The following LAMA1 variants were observed in gnomAD, a reference collection of about 807,000 sequenced individuals.
LAMA1 encodes laminin subunit alpha-1.
Under a neutral mutation model 348.7 loss-of-function variants are expected in LAMA1, and 219 were observed. The observed-to-expected ratio is 0.63, with a 90% CI of 0.56 to 0.70. The LOEUF is 0.70. Ranked by LOEUF, LAMA1 falls within the 30% of genes least tolerant of loss-of-function variation. LAMA1 has a pLI of 0.00. For synonymous variants in LAMA1, 1,487 were observed against 1,491.0 expected, an observed-to-expected ratio of 1.00 and a Z score of 0.06; for missense variants, 3,744 against 3,888.0, an observed-to-expected ratio of 0.96 and a Z score of 0.99.
chr18:7,117,470 C>A (rs2058362287), intron 1 of LAMA1, among the ~76,000 whole-genome samples, 190 bp downstream of exon 1: 1 of 152,148 alleles, frequency 6.6e-6, no homozygotes, highest in Non-Finnish European at 1.5e-5. Context: ...CAGCGTCCGG[C>A]AGGAGCGGCG....
chr18:7,102,849 T>C (rs1441730083), intron 1 of LAMA1, among the ~76,000 whole-genome samples: 1 of 152,222 alleles, frequency 6.6e-6, no homozygotes, highest in African/African-American at 2.4e-5. Context: ...TAAGTTTTTG[T>C]TGAGTATAAT....
chr18:6,996,405 T>C (rs518044), intron 33 of LAMA1, among the ~76,000 whole-genome samples: 127,469 of 152,178 alleles, frequency 0.84, 53,758 homozygotes, highest in African/African-American at 0.93. Flanking sequence ...TGCTACCTGG[T>C]GCACTGCATA....
At chr18:7,116,449 T>C (rs964410414) in intron 1 of LAMA1, among the ~76,000 whole-genome samples, 3 of 152,334 alleles carry the variant, frequency 2.0e-5, no homozygotes, top group South Asian at 2.1e-4. Flanking sequence ...TATTCAATGC[T>C]GCGTTTCCAG....
At chr18:7,023,077 G>T (rs1335521707) in intron 19 of LAMA1, 87 bp downstream of exon 19, 2 of 1,405,092 alleles carry the variant, frequency 1.4e-6, no homozygotes, top group Admixed American at 4.0e-5. Flanking sequence ...CCTCCTAGGC[G>T]GGGCCCTGTG....
At chr18:7,094,116 A>G (rs1269301822) in intron 1 of LAMA1, among the ~76,000 whole-genome samples, 2 of 152,062 alleles carry the variant, frequency 1.3e-5, no homozygotes, top group Non-Finnish European at 2.9e-5. Flanking sequence ...TCTCCTGGGT[A>G]TCCGGTTCCA....
At chr18:7,032,262 C>T (rs758253677) in intron 15 of LAMA1, 86 bp from the exon 16 acceptor site, 85 of 806,702 alleles carry the variant, frequency 1.1e-4, no homozygotes, top group Non-Finnish European at 1.8e-4. Context: ...TGTCTTTTTT[C>T]TTAAACATCT....
chr18:6,952,770 C>T (rs555048597), intron 57 of LAMA1, among the ~76,000 whole-genome samples: 1 of 152,048 alleles, frequency 6.6e-6, no homozygotes, highest in South Asian at 2.1e-4. Context: ...GGAGCCATGT[C>T]TGCCTATGTC....
chr18:7,018,361 A>T (rs188793124), intron 19 of LAMA1, among the ~76,000 whole-genome samples: 2 of 149,280 alleles, frequency 1.3e-5, no homozygotes, highest in African/African-American at 5.0e-5. Flanking sequence ...AAAAAAAAGA[A>T]CATTTAATAT....
chr18:6,966,866 G>A (rs993197866), intron 48 of LAMA1, among the ~76,000 whole-genome samples: 2 of 152,080 alleles, frequency 1.3e-5, no homozygotes, highest in Non-Finnish European at 2.9e-5. Flanking sequence ...GATATAATAC[G>A]GCCCAGGGCA....
In LAMA1 at chr18:6,941,976, C is replaced by T. The variant is rs765183921; in HGVS notation, c.*103G>A. 4 of 1,456,182 alleles carry T rather than the reference C, an allele frequency of 2.7e-6. No homozygotes were observed. The highest frequency in any genetic ancestry group is 1.7e-5 in the Admixed American group (1 of 59,726). 90.2% of individuals were successfully genotyped at this position (1,456,182 alleles called of 1,614,324 possible). ...AACATCTCTCCCCAGAAACACTTAA[C>T]CTGAGTTGGAAATGAAATATGAACT... On this transcript the variant is annotated 3_prime_UTR_variant, in exon 63 of 63. Coordinates refer to ENST00000389658, the MANE Select transcript of LAMA1 (RefSeq NM_005559.4).
intron 1 of LAMA1, among the ~76,000 whole-genome samples, chr18:7,099,424 G>C (rs2058282056): frequency 6.6e-6 from 1 of 150,586 alleles, no homozygotes; most frequent in African/African-American, 2.4e-5. Flanking sequence ...CTATGACCCT[G>C]CCAAATCCCC....
At chr18:7,074,996 A>G (rs2058161499) in intron 3 of LAMA1, among the ~76,000 whole-genome samples, 1 of 135,956 alleles carries the variant, frequency 7.4e-6, no homozygotes. Flanking sequence ...AAAAAAAAAA[A>G]AAAAAAAATG....
Position 7,080,062 on chromosome 18 carries a change from T to G in LAMA1, c.258A>C (p.Ile86=). 1.9e-6 allele frequency: 3 copies of G among 1,612,736 alleles called. No individual in the cohort carries two copies. The highest frequency in any genetic ancestry group is 2.2e-5 in the South Asian group (2 of 91,044). The change falls in exon 3 of 63, where the codon ATA becomes ATC. Residue 86 remains isoleucine, a synonymous_variant. Transcript: ENST00000389658. ...PRERHPISHA[I]DGTNNWWQSP... ...TTTGCCACCAGTTATTGGTGCCATC[T>G]ATGGCATGTGATATTGGATGGCGTT...
At chr18:7,016,937 T>C (rs888043393) in intron 20 of LAMA1, among the ~76,000 whole-genome samples, 4 of 152,042 alleles carry the variant, frequency 2.6e-5, no homozygotes, top group African/African-American at 9.7e-5. Flanking sequence ...AGAGAGGTGA[T>C]TTGATCATAG....
At chr18:6,997,609 C>T (rs1200945047) in intron 33 of LAMA1, 133 bp downstream of exon 33, 1 of 921,656 alleles carries the variant, frequency 1.1e-6, no homozygotes, top group Non-Finnish European at 1.8e-6. Context: ...GACTGGACAC[C>T]TGCCCGCAGG....
rs28375801 is a variant in LAMA1 at position 6,979,714 on chromosome 18, A to C, written c.6007+807T>G. Reference sequence around the variant, plus strand: ...GGAGATCGAGACCATCCTGGCTAACACGGTGAAACCCCATCTCTACTAAAA... The same window carrying C: ...GGAGATCGAGACCATCCTGGCTAACCCGGTGAAACCCCATCTCTACTAAAA... On this transcript the variant is annotated intron_variant, in intron 42 of 62. Transcript: ENST00000389658. 1.2e-4 allele frequency among the ~76,000 whole-genome samples: 18 copies of C among 151,686 alleles called. No individual in the cohort carries two copies. The East Asian group carries it at 1.9e-3, about 16-fold the overall frequency.
chr18:6,959,396 T>TGGGAGCGTG lies in LAMA1; in HGVS notation c.7714_7722dup (p.His2572_Pro2574dup). 1.2e-6 allele frequency: 2 copies of TGGGAGCGTG among 1,614,172 alleles called. No individual in the cohort carries two copies. Among genetic ancestry groups the TGGGAGCGTG allele is most frequent in the Non-Finnish European group, 1.7e-6 (2 of 1,180,030 alleles). On this transcript the variant is annotated inframe_insertion, in exon 54 of 63. Coordinates refer to ENST00000389658, the MANE Select transcript of LAMA1 (RefSeq NM_005559.4). ...GCTTGTCCATCACTGCAGGTACCCGTGGGAGCGTGCAGGAGAGCTTTTCTC... is the reference window on the plus strand; with the variant it reads ...GCTTGTCCATCACTGCAGGTACCCGTGGGAGCGTGGGGAGCGTGCAGGAGAGCTTTTCTC...
At chr18:7,035,721 T>C (rs2144169881) in intron 13 of LAMA1, among the ~76,000 whole-genome samples, 1 of 152,268 alleles carries the variant, frequency 6.6e-6, no homozygotes, top group African/African-American at 2.4e-5. Flanking sequence ...CCAGCTCCCT[T>C]TCTTTTTAAA....
chr18:7,065,682 G>T (rs1598303274), intron 3 of LAMA1, among the ~76,000 whole-genome samples: 2 of 152,138 alleles, frequency 1.3e-5, no homozygotes, highest in South Asian at 2.1e-4. Context: ...AGCTGAGATC[G>T]CACCGTTGCA....
Sources: gnomAD v4.1 joint callset for allele counts (sites outside exome capture counted in the v4.1 genomes callset) on GRCh38, gnomAD v4.1.1 for gene constraint, MANE v1.5 for transcripts, NCBI Gene and HGNC (gene_info 2026-07-23, HGNC 2026-07-21) for gene names.